Variants in KATNIP observed in about 807,000 individuals in gnomAD.
The protein encoded by KATNIP is katanin-interacting protein.
A neutral mutation model predicts 174.0 loss-of-function variants in KATNIP; 126 were observed. The observed-to-expected ratio is 0.72, with a 90% CI of 0.63 to 0.84. The LOEUF is 0.84. KATNIP is among the 40% of genes least tolerant of loss of function. The pLI, the probability that KATNIP is intolerant of heterozygous loss-of-function variation, is 0.00. For missense variants in KATNIP, 1,958 were observed against 2,109.7 expected, an observed-to-expected ratio of 0.93 and a Z score of 1.41; for synonymous variants, 810 against 835.7, an observed-to-expected ratio of 0.97 and a Z score of 0.53.
At chr16:27,603,936 A>C (rs2075619804) in intron 2 of KATNIP, among the ~76,000 whole-genome samples, 1 of 151,514 alleles carries the variant, frequency 6.6e-6, no homozygotes, top group African/African-American at 2.4e-5. Flanking sequence ...TGGGTTTCAC[A>C]ACATTGGCCA....
At chr16:27,708,472 C>T in intron 12 of KATNIP, 2 of 475,564 alleles carry the variant, frequency 4.2e-6, no homozygotes, top group Non-Finnish European at 7.4e-6. Flanking sequence ...AAACAGAATG[C>T]TCACAGAGTG....
Position 27,777,638 on chromosome 16 carries a change from A to C in KATNIP, c.4580A>C (p.Asn1527Thr). Residue 1527 changes from asparagine (N) to threonine (T), a missense_variant, in exon 26 of 28, where the codon AAT (asparagine) becomes ACT (threonine). Around this residue, in one of 3 missense-constraint regions of KATNIP, gnomAD observed 383 missense variants for 456.0 expected, o/e 0.84. Coordinates refer to ENST00000261588, the MANE Select transcript of KATNIP (RefSeq NM_015202.5). The surrounding 1 kb of genome is among the most constrained non-coding windows in gnomAD (Gnocchi z 4.4). ...CTGGTGGACGACCTGCTTGTGTACA[A>C]TGGGATCCTGGCCATGGTGAGCCAC... ...GLLVDDLLVY[N>T]GILAMVSHLV... The C allele has an allele frequency of 6.2e-7, 1 of 1,613,206 alleles. No individual in the cohort carries two copies. The highest frequency in any genetic ancestry group is 1.7e-5 in the Admixed American group (1 of 59,928).
chr16:27,689,706 C>G (rs2078647861), intron 8 of KATNIP, among the ~76,000 whole-genome samples: 1 of 152,158 alleles, frequency 6.6e-6, no homozygotes, highest in Non-Finnish European at 1.5e-5. Flanking sequence ...GACAACCCAC[C>G]CCAAAATGTA....
intron 7 of KATNIP, among the ~76,000 whole-genome samples, chr16:27,679,749 CAAAAAAAA>C (rs60190438): frequency 1.8e-5 from 1 of 55,760 alleles, no homozygotes; most frequent in African/African-American, 5.5e-5. Context: ...GAGACCCTCT[CAAAAAAAA>C]AAAAAAAAAA....
chr16:27,611,648 T>C (rs1203841551), intron 2 of KATNIP, among the ~76,000 whole-genome samples: 2 of 152,104 alleles, frequency 1.3e-5, no homozygotes, highest in Non-Finnish European at 2.9e-5. Flanking sequence ...TGATCCCAAA[T>C]TACTTCCACT....
chr16:27,750,470 A>G, intron 16 of KATNIP, among the ~76,000 whole-genome samples, 164 bp downstream of exon 16: 1 of 142,580 alleles, frequency 7.0e-6, no homozygotes. Context: ...CCCAGGCTGG[A>G]GTGCAGTGGC....
intron 3 of KATNIP, 198 bp from the exon 4 acceptor site, chr16:27,628,463 C>T (rs1596987710): frequency 1.7e-6 from 1 of 581,322 alleles, no homozygotes; most frequent in Admixed American, 3.1e-5. Context: ...GGGCCCCAAA[C>T]TGTCTGCCCC....
rs2079436509 is a variant in KATNIP at position 27,708,841 on chromosome 16, A to G, written c.1526A>G (p.Tyr509Cys). 6.2e-7 allele frequency: 1 copy of G among 1,613,954 alleles called. No homozygotes were observed. The highest frequency in any genetic ancestry group is 8.5e-7 in the Non-Finnish European group (1 of 1,179,990). The change falls in exon 13 of 28, where the codon TAT becomes TGT. Residue 509 changes from tyrosine to cysteine, a missense_variant. Coordinates refer to ENST00000261588, the MANE Select transcript of KATNIP (RefSeq NM_015202.5). Reference sequence around the variant, plus strand: ...TTTGACTTGAATGACACAAAGCTTTATGTGTCGCCCCACGATGTGGATATC... The same window carrying G: ...TTTGACTTGAATGACACAAAGCTTTGTGTGTCGCCCCACGATGTGGATATC... ...EFFDLNDTKL[Y>C]VSPHDVDIRN...
intron 1 of KATNIP, among the ~76,000 whole-genome samples, chr16:27,565,931 A>G (rs951079688): frequency 3.9e-5 from 6 of 152,006 alleles, no homozygotes; most frequent in African/African-American, 1.4e-4. Flanking sequence ...ATTATTAATC[A>G]TTTAAAAATT....
At chr16:27,573,460 C>T (rs1029363033) in intron 1 of KATNIP, among the ~76,000 whole-genome samples, 1 of 152,248 alleles carries the variant, frequency 6.6e-6, no homozygotes, top group Admixed American at 6.5e-5. Context: ...CACATCTGCA[C>T]TGTCACCTAT....
chr16:27,730,545 C>G (rs1047105523), intron 14 of KATNIP, among the ~76,000 whole-genome samples: 2 of 152,198 alleles, frequency 1.3e-5, no homozygotes, highest in African/African-American at 4.8e-5. Context: ...CTCCCACTGG[C>G]CCCCATAAAA....
intron 2 of KATNIP, among the ~76,000 whole-genome samples, chr16:27,576,338 C>T (rs1444400728): frequency 6.6e-6 from 1 of 151,992 alleles, no homozygotes; most frequent in Non-Finnish European, 1.5e-5. Context: ...ATCACAATAC[C>T]CAGGCTTAAC....
chr16:27,598,086 G>C (rs1463998114), intron 2 of KATNIP, among the ~76,000 whole-genome samples: 7 of 152,110 alleles, frequency 4.6e-5, no homozygotes, highest in African/African-American at 1.7e-4. Flanking sequence ...AAAGTTAGCT[G>C]GGCGTGGTGG....
intron 18 of KATNIP, among the ~76,000 whole-genome samples, chr16:27,756,697 AT>A (rs970933315): frequency 1.9e-4 from 28 of 150,178 alleles, no homozygotes; most frequent in Admixed American, 6.6e-4. Flanking sequence ...GTTGGTCAGG[AT>A]TTTTTTTTTG....
intron 4 of KATNIP, 34 bp from the exon 5 acceptor site, chr16:27,631,031 C>T (rs956634180): frequency 1.3e-6 from 2 of 1,514,216 alleles, no homozygotes; most frequent in Non-Finnish European, 1.8e-6. Context: ...TCATCAGTGC[C>T]TCACCAAGTC....
intron 2 of KATNIP, among the ~76,000 whole-genome samples, chr16:27,597,417 T>C (rs1301081790): frequency 1.2e-4 from 17 of 142,714 alleles, no homozygotes; most frequent in African/African-American, 3.5e-4. Context: ...TTTTTTTTTT[T>C]TTTTTTTTTT....
At chr16:27,750,727 C>G (rs1031148385) in intron 16 of KATNIP, among the ~76,000 whole-genome samples, 24 of 147,394 alleles carry the variant, frequency 1.6e-4, no homozygotes, top group South Asian at 8.6e-4. Context: ...CCACCGCGCC[C>G]AGCCCTTTTT....
chr16:27,551,512 A>G (rs895081223), intron 1 of KATNIP, among the ~76,000 whole-genome samples: 1 of 152,174 alleles, frequency 6.6e-6, no homozygotes, highest in Non-Finnish European at 1.5e-5. Flanking sequence ...AGCTTTGTTT[A>G]TTTATATTTA....
At chr16:27,591,680 G>A (rs993333711) in intron 2 of KATNIP, among the ~76,000 whole-genome samples, 7 of 152,198 alleles carry the variant, frequency 4.6e-5, no homozygotes, top group South Asian at 4.1e-4. Flanking sequence ...GGCCCGGCAT[G>A]TATTAGTTGC....
Sources: allele counts gnomAD v4.1 joint callset (sites outside exome capture counted in the v4.1 genomes callset), GRCh38; gene constraint gnomAD v4.1.1; regional missense constraint gnomAD v4.1.1; non-coding constraint Gnocchi (gnomAD v3.1); transcripts MANE v1.5; gene names NCBI Gene and HGNC (gene_info 2026-07-23, HGNC 2026-07-21).